The following SLC41A2 variants were observed in gnomAD, a reference collection of about 807,000 sequenced individuals.
The protein encoded by SLC41A2 is SLC41A1-like 1.
In SLC41A2, 32 loss-of-function variants were observed where a neutral mutation model predicts 58.3. That is an observed-to-expected ratio of 0.55 (90% CI 0.41 to 0.74). The LOEUF (loss-of-function observed/expected upper bound fraction) is 0.74. Among genes scored for constraint, SLC41A2 ranks in the 30% least tolerant of loss-of-function variants. The pLI, the probability that SLC41A2 is intolerant of heterozygous loss-of-function variation, is 0.00. For synonymous variants in SLC41A2, 190 were observed against 235.0 expected (o/e 0.81, Z 1.75); for missense variants, 514 against 680.6 (o/e 0.76, Z 2.72).
intron 3 of SLC41A2, among the ~76,000 whole-genome samples, chr12:104,901,787 C>A (rs919515815): frequency 2.0e-5 from 3 of 152,114 alleles, no homozygotes; most frequent in African/African-American, 4.8e-5. Flanking sequence ...ATTGAAATAT[C>A]TTTTTATCTG....
intron 8 of SLC41A2, among the ~76,000 whole-genome samples, chr12:104,858,424 C>T (rs750500168): frequency 2.6e-5 from 4 of 151,882 alleles, no homozygotes; most frequent in Admixed American, 6.6e-5. Flanking sequence ...GAGGATTATA[C>T]GACACAACAT....
chr12:104,911,012 G>T (rs182317492), intron 2 of SLC41A2, among the ~76,000 whole-genome samples: 1 of 152,116 alleles, frequency 6.6e-6, no homozygotes, highest in Non-Finnish European at 1.5e-5. Flanking sequence ...CATCTGCATA[G>T]TAAGAACCTT....
chr12:104,840,272 G>A (rs1169398152), intron 10 of SLC41A2, among the ~76,000 whole-genome samples: 3 of 152,216 alleles, frequency 2.0e-5, no homozygotes, highest in Non-Finnish European at 4.4e-5. Flanking sequence ...TGAAGGCTGG[G>A]AGAATCACTG....
chr12:104,843,096 T>C (rs2042473148), intron 10 of SLC41A2, among the ~76,000 whole-genome samples: 1 of 152,096 alleles, frequency 6.6e-6, no homozygotes, highest in Admixed American at 6.5e-5. Context: ...TACTGAACTA[T>C]AGAAAAATAT....
At chr12:104,878,332 T>G (rs1413387625) in intron 6 of SLC41A2, among the ~76,000 whole-genome samples, 1 of 148,838 alleles carries the variant, frequency 6.7e-6, no homozygotes, top group Admixed American at 6.7e-5. Flanking sequence ...TATATACATT[T>G]TTTAAGTTCT....
intron 1 of SLC41A2, among the ~76,000 whole-genome samples, chr12:104,954,911 C>T (rs185253303): frequency 2.0e-5 from 3 of 151,962 alleles, no homozygotes; most frequent in African/African-American, 7.2e-5. Flanking sequence ...TTTACTCAGG[C>T]CCCTGAACCT....
chr12:104,956,373 C>T (rs1384886939), intron 1 of SLC41A2, among the ~76,000 whole-genome samples: 1 of 151,946 alleles, frequency 6.6e-6, no homozygotes, highest in Non-Finnish European at 1.5e-5. Flanking sequence ...AACAATAAAA[C>T]TCAATAAAAA....
chr12:104,924,138 G>A (rs1249178195), intron 2 of SLC41A2, among the ~76,000 whole-genome samples: 1 of 152,032 alleles, frequency 6.6e-6, no homozygotes, highest in Non-Finnish European at 1.5e-5. Context: ...TAGAAAGATG[G>A]ACAAAGAAAG....
chr12:104,930,402 GA>G (rs1263679329), intron 1 of SLC41A2, among the ~76,000 whole-genome samples: 1 of 128,522 alleles, frequency 7.8e-6, no homozygotes, highest in Non-Finnish European at 1.8e-5. Context: ...TATACATCTG[GA>G]ACTTAGGAGA....
intron 10 of SLC41A2, among the ~76,000 whole-genome samples, chr12:104,806,799 A>G (rs923326833): frequency 5.3e-5 from 8 of 151,890 alleles, no homozygotes; most frequent in African/African-American, 1.7e-4. Flanking sequence ...TTTGAATTGC[A>G]TTTCTCTGAT....
chr12:104,809,650 T>C (rs767070075), intron 10 of SLC41A2, among the ~76,000 whole-genome samples: 1 of 152,176 alleles, frequency 6.6e-6, no homozygotes, highest in Non-Finnish European at 1.5e-5. Flanking sequence ...AAAATCTGGA[T>C]TTGATTTTCA....
At chr12:104,812,903 G>A (rs1373176225) in intron 10 of SLC41A2, among the ~76,000 whole-genome samples, 6 of 152,156 alleles carry the variant, frequency 3.9e-5, no homozygotes, top group Non-Finnish European at 7.3e-5. Flanking sequence ...TTCAGGCCAG[G>A]CATGGTGGCT....
At chr12:104,895,747 A>T (rs4405400) in intron 3 of SLC41A2, among the ~76,000 whole-genome samples, 11,621 of 152,212 alleles carry the variant, frequency 0.076, 506 homozygotes, top group Middle Eastern at 0.11. Flanking sequence ...ATGTAACTTA[A>T]AGAATTATTG....
rs543058969 is a variant in SLC41A2 at position 104,865,706 on chromosome 12, G to A, written c.1175+726C>T. Among the ~76,000 whole-genome samples the A allele has an allele frequency of 4.3e-3, 655 of 152,150 alleles. 4 individuals carry two copies. The highest frequency in any genetic ancestry group is 0.015 in the African/African-American group (635 of 41,512). ...CTGTCCTTTTAGTAATTTCAGGAAG[G>A]AAAAGAAACGTTTCTTAATCTAACA... On this transcript the variant is annotated intron_variant, in intron 7 of 10. Coordinates refer to ENST00000258538, the MANE Select transcript of SLC41A2 (RefSeq NM_001352171.3).
At chr12:104,941,870 AAG>A (rs10586746) in intron 1 of SLC41A2, among the ~76,000 whole-genome samples, 2,269 of 152,340 alleles carry the variant, frequency 0.015, 67 homozygotes, top group African/African-American at 0.052. Context: ...CCAGAACTTA[AAG>A]TAAAATTAAA....
intron 1 of SLC41A2, among the ~76,000 whole-genome samples, chr12:104,944,285 A>G (rs2047626070): frequency 6.6e-6 from 1 of 152,208 alleles, no homozygotes; most frequent in African/African-American, 2.4e-5. Flanking sequence ...TGAAATGGGC[A>G]GTGCAGGACA....
intron 10 of SLC41A2, among the ~76,000 whole-genome samples, chr12:104,817,519 G>A (rs569017864): frequency 6.6e-6 from 1 of 151,850 alleles, no homozygotes; most frequent in Non-Finnish European, 1.5e-5. Flanking sequence ...TTGTACAGCT[G>A]TACAAAAATA....
Position 104,866,587 on chromosome 12 carries a change from T to TAAA in SLC41A2, c.1028-11_1028-9dup. On this transcript the variant is annotated splice_polypyrimidine_tract_variant and intron_variant, in intron 6 of 10. Coordinates refer to ENST00000258538, the MANE Select transcript of SLC41A2 (RefSeq NM_001352171.3). ...AAATGTAGTAATAGGTCTCTAAAAT[T>TAAA]AAAAAAAAAAAAAAAAAGAGAGACA... is the stretch of plus-strand genomic sequence containing the variant. 7.5e-6 allele frequency: 10 copies of TAAA among 1,339,542 alleles called. No individual in the cohort carries two copies. Among genetic ancestry groups the TAAA allele is most frequent in the Non-Finnish European group, 8.0e-6 (8 of 1,002,704 alleles). The allele number at this position is 1,339,542 out of a possible 1,614,324, so 83.0% of individuals were successfully genotyped here.
At chr12:104,895,755 T>C (rs2045249206) in intron 3 of SLC41A2, among the ~76,000 whole-genome samples, 1 of 152,190 alleles carries the variant, frequency 6.6e-6, no homozygotes, top group South Asian at 2.1e-4. Context: ...TAAAGAATTA[T>C]TGACCCAAAA....
Sources: allele counts gnomAD v4.1 joint callset (sites outside exome capture counted in the v4.1 genomes callset), GRCh38; gene constraint gnomAD v4.1.1; transcripts MANE v1.5; gene names NCBI Gene and HGNC (gene_info 2026-07-23, HGNC 2026-07-21).